Variants in GRIP1 observed in about 807,000 individuals in gnomAD.
GRIP1 encodes glutamate receptor-interacting protein 1.
In GRIP1, 45 loss-of-function variants were observed where a neutral mutation model predicts 129.9. That is an observed-to-expected ratio of 0.35 (90% CI 0.27 to 0.44). GRIP1 has a LOEUF of 0.44. Ranked by LOEUF, GRIP1 falls within the 20% of genes least tolerant of loss-of-function variation. The probability of loss-of-function intolerance (pLI) is 1.00; values close to 1 mark genes in which losing one functional copy is unlikely to be tolerated. For synonymous variants in GRIP1, 530 were observed against 520.8 expected (o/e 1.02, Z -0.24); for missense variants, 1,196 against 1,396.8 (o/e 0.86, Z 2.29).
chr12:66,978,924 G>A (rs1280462613), intron 1 of GRIP1, among the ~76,000 whole-genome samples: 1 of 151,728 alleles, frequency 6.6e-6, no homozygotes, highest in Non-Finnish European at 1.5e-5. Context: ...AGAGACAAAT[G>A]GCAAAGTGGT....
chr12:66,717,248 G>A (rs2035918012), intron 1 of GRIP1, among the ~76,000 whole-genome samples: 1 of 152,094 alleles, frequency 6.6e-6, no homozygotes, highest in African/African-American at 2.4e-5. Flanking sequence ...GTATGTACAT[G>A]CCAACTGTAT....
chr12:66,745,521 C>T (rs1333246896), intron 1 of GRIP1, among the ~76,000 whole-genome samples: 2 of 152,156 alleles, frequency 1.3e-5, no homozygotes, highest in Non-Finnish European at 2.9e-5. Flanking sequence ...GAGCAGCTTA[C>T]CTTCCAGTGG....
intron 1 of GRIP1, among the ~76,000 whole-genome samples, chr12:66,991,031 C>T (rs1457235616): frequency 5.3e-5 from 8 of 151,148 alleles, no homozygotes; most frequent in Admixed American, 4.0e-4. Context: ...CCCAGCACTT[C>T]GGGAGACCGA....
intron 1 of GRIP1, among the ~76,000 whole-genome samples, chr12:66,670,255 T>G (rs1355409223): frequency 6.6e-6 from 1 of 152,212 alleles, no homozygotes; most frequent in Non-Finnish European, 1.5e-5. Context: ...TATAATAACC[T>G]TCCGCATAAG....
intron 1 of GRIP1, among the ~76,000 whole-genome samples, chr12:66,831,317 T>A (rs1377362193): frequency 6.6e-6 from 1 of 152,212 alleles, no homozygotes. Flanking sequence ...TCATGCTGAT[T>A]TATTCACATT....
intron 14 of GRIP1, among the ~76,000 whole-genome samples, chr12:66,431,651 C>A (rs2058151135): frequency 6.6e-6 from 1 of 152,132 alleles, no homozygotes; most frequent in African/African-American, 2.4e-5. Flanking sequence ...CTTGAAGAAA[C>A]CAGCTCTTGG....
At chr12:66,517,484 C>CCTAT (rs2060880631) in intron 6 of GRIP1, among the ~76,000 whole-genome samples, 1 of 152,108 alleles carries the variant, frequency 6.6e-6, no homozygotes, top group East Asian at 1.9e-4. Flanking sequence ...ACCACCACCA[C>CCTAT]CTATCTGTCC....
chr12:66,354,443 C>G (rs1592674162), intron 23 of GRIP1, among the ~76,000 whole-genome samples: 1 of 152,186 alleles, frequency 6.6e-6, no homozygotes, highest in East Asian at 1.9e-4. Flanking sequence ...GCCTGCCTTC[C>G]AGAGGCACAC....
intron 9 of GRIP1, among the ~76,000 whole-genome samples, chr12:66,458,224 C>A: frequency 6.7e-6 from 1 of 148,948 alleles, no homozygotes; most frequent in East Asian, 1.9e-4. Flanking sequence ...CCCTCTCTCT[C>A]CACTTTCCTA....
At chr12:66,502,162 A>G (rs2060410666) in intron 7 of GRIP1, among the ~76,000 whole-genome samples, 1 of 152,200 alleles carries the variant, frequency 6.6e-6, no homozygotes, top group Non-Finnish European at 1.5e-5. Context: ...GTGGAGCTGG[A>G]AGGACCTCTG....
intron 1 of GRIP1, among the ~76,000 whole-genome samples, chr12:66,669,949 G>T (rs988655894): frequency 6.6e-6 from 1 of 152,124 alleles, no homozygotes; most frequent in African/African-American, 2.4e-5. Context: ...AATTTTAAAT[G>T]ATTGTGTTTA....
chr12:66,598,350 T>A (rs904111040), intron 1 of GRIP1, among the ~76,000 whole-genome samples: 4 of 152,226 alleles, frequency 2.6e-5, no homozygotes, highest in Non-Finnish European at 5.9e-5. Flanking sequence ...CGCTGTTTCA[T>A]GTTTATATTT....
intron 24 of GRIP1, among the ~76,000 whole-genome samples, chr12:66,352,519 G>A (rs1592669644): frequency 6.6e-6 from 1 of 152,054 alleles, no homozygotes; most frequent in South Asian, 2.1e-4. Context: ...GATCACTTGA[G>A]GTCAGGAGTA....
chr12:66,474,417 C>T (rs892166157), intron 7 of GRIP1, among the ~76,000 whole-genome samples: 2 of 152,226 alleles, frequency 1.3e-5, no homozygotes, highest in Admixed American at 1.3e-4. Flanking sequence ...GGATATTATC[C>T]AGTAGAACTT....
intron 1 of GRIP1, among the ~76,000 whole-genome samples, chr12:66,863,351 A>G (rs2040145322): frequency 6.6e-6 from 1 of 152,188 alleles, no homozygotes; most frequent in Admixed American, 6.6e-5. Flanking sequence ...GATTTCTAAT[A>G]GGGTAAGACA....
At chr12:66,547,367 G>A (rs1188045416) in intron 2 of GRIP1, among the ~76,000 whole-genome samples, 1 of 152,186 alleles carries the variant, frequency 6.6e-6, no homozygotes, top group Non-Finnish European at 1.5e-5. Context: ...CAGTTTAGCA[G>A]TTTATTAGAA....
At chr12:66,898,492 G>T (rs1444682690) in intron 1 of GRIP1, among the ~76,000 whole-genome samples, 9 of 151,966 alleles carry the variant, frequency 5.9e-5, no homozygotes, top group South Asian at 2.1e-4. Context: ...TTTGTTAAAG[G>T]GCCAATTTTC....
rs527486524 is a variant in GRIP1, at chr12:66,622,417, G to T, written c.56-25490C>A. ...AATTTATTGTGCATTTAAAAATAAG[G>T]AAATATATTTGGATTGTTTGCAACA... is the stretch of plus-strand genomic sequence containing the variant. On this transcript the variant is annotated intron_variant, in intron 1 of 24. Transcript: ENST00000359742. Among the ~76,000 whole-genome samples the T allele has an allele frequency of 1.1e-4, 17 of 152,072 alleles. 1 individual carries two copies. In the South Asian group the frequency reaches 3.3e-3, roughly 30 times the overall value.
chr12:66,982,299 C>T (rs2042250883), intron 1 of GRIP1, among the ~76,000 whole-genome samples: 1 of 152,136 alleles, frequency 6.6e-6, no homozygotes, highest in South Asian at 2.1e-4. Context: ...AAATCATTCA[C>T]CTTCCTAGAC....
Sources: gnomAD v4.1 joint callset for allele counts (sites outside exome capture counted in the v4.1 genomes callset) on GRCh38, gnomAD v4.1.1 for gene constraint, MANE v1.5 for transcripts, NCBI Gene and HGNC (gene_info 2026-07-23, HGNC 2026-07-21) for gene names.